The following SAG variants were observed in gnomAD, a reference collection of about 807,000 sequenced individuals.
SAG encodes the protein S-arrestin.
A neutral mutation model predicts 55.0 loss-of-function variants in SAG; 45 were observed. The observed-to-expected ratio is 0.82, with a 90% confidence interval of 0.64 to 1.05. The LOEUF (loss-of-function observed/expected upper bound fraction) is 1.05. SAG is among the 50% of genes least tolerant of loss of function. The pLI is 0.00. For missense variants in SAG, 455 were observed against 512.1 expected, an observed-to-expected ratio of 0.89 and a Z score of 1.08; for synonymous variants, 189 against 197.4, an observed-to-expected ratio of 0.96 and a Z score of 0.36.
intron 9 of SAG, among the ~76,000 whole-genome samples, chr2:233,330,574 A>T (rs1245964621): frequency 7.0e-6 from 1 of 142,500 alleles, no homozygotes; most frequent in Non-Finnish European, 1.5e-5. Flanking sequence ...TCTGTCACCC[A>T]GGCTGGAGTG....
At position 233,340,535 on chromosome 2, in the gene SAG, C is replaced by A. The variant is rs548194688; in HGVS notation, c.1046+57C>A. On this transcript the variant is annotated intron_variant, in intron 13 of 15. Transcript: ENST00000409110. The surrounding 1 kb of genome is among the most constrained non-coding windows in gnomAD (Gnocchi z 4.2). ...TTCTCAAGATATCAAAGGCAGCAAACTTGGGGCTCCAAAACGGTTTCTGAT... is the reference window on the plus strand; with the variant it reads ...TTCTCAAGATATCAAAGGCAGCAAAATTGGGGCTCCAAAACGGTTTCTGAT... 4 of 1,424,348 alleles carry A rather than the reference C, an allele frequency of 2.8e-6. No individual in the cohort carries two copies. The highest frequency in any genetic ancestry group is 2.3e-5 in the East Asian group (1 of 43,168). The allele number at this position is 1,424,348 out of a possible 1,614,324, so 88.2% of individuals were successfully genotyped here. A position where few individuals can be genotyped will look rare whatever the true frequency, so the allele number is the denominator to read the frequency against.
At chr2:233,345,689 C>T (rs1397222997) in intron 14 of SAG, 1 of 152,220 alleles carries the variant, frequency 6.6e-6, no homozygotes, top group Non-Finnish European at 1.5e-5. Context: ...CCACTTCACT[C>T]CAGCCTGGGC....
At chr2:233,309,036 G>T in intron 1 of SAG, 126 bp from the exon 2 acceptor site, 1 of 586,880 alleles carries the variant, frequency 1.7e-6, no homozygotes, top group Non-Finnish European at 3.1e-6. Context: ...GTTGAAGCCG[G>T]TACAAGGGCA....
Position 233,319,740 on chromosome 2 carries a change from G to C in SAG, c.182-890G>C. ...CCAGAGAAGGGCGCCTGTTCTCAGG[G>C]AAAGCCACTGCACAGGACAGCTGTC... On this transcript the variant is annotated intron_variant, in intron 4 of 15. Transcript: ENST00000409110. The surrounding 1 kb of genome is among the most constrained non-coding windows in gnomAD (Gnocchi z 4.4). The C allele has an allele frequency of 2.0e-6, 2 of 985,676 alleles. No homozygotes were observed. The highest frequency in any genetic ancestry group is 2.4e-6 in the Non-Finnish European group (2 of 830,088). The allele number at this position is 985,676 out of a possible 1,614,324, so 61.1% of individuals were successfully genotyped here.
intron 14 of SAG, chr2:233,342,605 T>C (rs896404643): frequency 6.8e-6 from 3 of 441,340 alleles, no homozygotes; most frequent in Non-Finnish European, 1.2e-5. Flanking sequence ...ATGAATGATT[T>C]AAGAGCAGAA....
In SAG at chr2:233,318,678, G is replaced by A. The variant is rs867531319; in HGVS notation, c.137-73G>A. On this transcript the variant is annotated intron_variant, in intron 3 of 15. Transcript: ENST00000409110. Reference sequence around the variant, plus strand: ...ATTACATGTGTAATTAAAAACATGCGCAGTTTTTAAAGTAGGTGTCTGGTT... The same window carrying A: ...ATTACATGTGTAATTAAAAACATGCACAGTTTTTAAAGTAGGTGTCTGGTT... 61 of 1,247,238 alleles carry A rather than the reference G, an allele frequency of 4.9e-5. No homozygotes were observed. The Middle Eastern group carries it at 1.7e-3, about 34-fold the overall frequency. The allele number at this position is 1,247,238 out of a possible 1,614,324, so 77.3% of individuals were successfully genotyped here.
intron 7 of SAG, 165 bp from the exon 8 acceptor site, chr2:233,328,313 G>T: frequency 1.4e-6 from 1 of 730,726 alleles, no homozygotes. Flanking sequence ...TCCACCGTCA[G>T]GGCTGCCTCA....
intron 10 of SAG, chr2:233,332,043 A>G: frequency 3.1e-6 from 1 of 327,096 alleles, no homozygotes; most frequent in South Asian, 3.3e-5. Context: ...ATTTGGTACT[A>G]TTTCCACCTC....
chr2:233,312,277 T>G (rs1346625839), intron 2 of SAG, among the ~76,000 whole-genome samples: 1 of 152,168 alleles, frequency 6.6e-6, no homozygotes, highest in East Asian at 1.9e-4. Context: ...CCCTTGTCTC[T>G]CCCGTCCACT....
intron 14 of SAG, chr2:233,342,902 G>T: frequency 6.3e-6 from 1 of 158,094 alleles, no homozygotes; most frequent in Non-Finnish European, 1.4e-5. Context: ...GGAACTACAG[G>T]CATACCACCA....
At chr2:233,321,665 A>G (rs768119976) in intron 5 of SAG, among the ~76,000 whole-genome samples, 1 of 152,140 alleles carries the variant, frequency 6.6e-6, no homozygotes, top group South Asian at 2.1e-4. Context: ...AAGATGAAAA[A>G]TGTTCTGGTG....
rs879643 is a variant in SAG, at chr2:233,314,356, C to T, written c.76-1719C>T. ...CAGAACCCCGAGGCCCTCAGGGCTACCTCCCAGGAACTGTGATCCCCACTA... is the reference window on the plus strand; with the variant it reads ...CAGAACCCCGAGGCCCTCAGGGCTATCTCCCAGGAACTGTGATCCCCACTA... On this transcript the variant is annotated intron_variant, in intron 2 of 15. Coordinates refer to ENST00000409110, the MANE Select transcript of SAG (RefSeq NM_000541.5). Among the ~76,000 whole-genome samples the T allele has an allele frequency of 5.9e-3, 894 of 152,310 alleles. 12 individuals carry two copies. Among genetic ancestry groups the T allele is most frequent in the Non-Finnish European group, 5.2e-3 (354 of 68,002 alleles).
intron 7 of SAG, chr2:233,328,247 C>T: frequency 2.2e-6 from 1 of 460,236 alleles, no homozygotes; most frequent in Non-Finnish European, 3.8e-6. Context: ...GGGATGTTGC[C>T]TGGCCCCACA....
At chr2:233,315,706 C>CT (rs59411344) in intron 2 of SAG, among the ~76,000 whole-genome samples, 12,023 of 139,114 alleles carry the variant, frequency 0.086, 1,350 homozygotes, top group African/African-American at 0.26. Flanking sequence ...TTCTTTCTTT[C>CT]TTTTTTTTTT....
intron 2 of SAG, among the ~76,000 whole-genome samples, chr2:233,311,459 A>G (rs1264272347): frequency 1.3e-5 from 2 of 152,226 alleles, no homozygotes; most frequent in Admixed American, 6.5e-5. Flanking sequence ...CCAAGCCAGA[A>G]GAATTAGATG....
At chr2:233,326,835 A>G (rs1192185681) in intron 6 of SAG, among the ~76,000 whole-genome samples, 1 of 152,194 alleles carries the variant, frequency 6.6e-6, no homozygotes, top group Non-Finnish European at 1.5e-5. Context: ...GGAGGCAAGG[A>G]TAGCCAGGAT....
chr2:233,334,764 G>A (rs1439149649), intron 10 of SAG, 198 bp from the exon 11 acceptor site: 1 of 587,606 alleles, frequency 1.7e-6, no homozygotes. Context: ...ATATCCTCCT[G>A]TTGCTGCCAG....
rs752381550 is a variant in SAG at position 233,320,592 on chromosome 2, G to A, written c.182-38G>A. 7.3e-6 allele frequency: 11 copies of A among 1,511,014 alleles called. No individual in the cohort carries two copies. In the South Asian group the frequency reaches 7.7e-5, roughly 11 times the overall value. 93.6% of individuals were successfully genotyped at this position (1,511,014 alleles called of 1,614,324 possible). ...CGTCAGTGGTGGTGGGTGCCAGGCCGAGGGCCAAGTCCGACCCTGCCTTCA... is the reference window on the plus strand; with the variant it reads ...CGTCAGTGGTGGTGGGTGCCAGGCCAAGGGCCAAGTCCGACCCTGCCTTCA... On this transcript the variant is annotated intron_variant, in intron 4 of 15. Coordinates refer to ENST00000409110, the MANE Select transcript of SAG (RefSeq NM_000541.5).
At chr2:233,313,398 G>A (rs1700130845) in intron 2 of SAG, among the ~76,000 whole-genome samples, 1 of 152,224 alleles carries the variant, frequency 6.6e-6, no homozygotes, top group Non-Finnish European at 1.5e-5. Context: ...CGCACAAGGC[G>A]CTGGGGTTTA....
Sources: allele counts gnomAD v4.1 joint callset (sites outside exome capture counted in the v4.1 genomes callset), GRCh38; gene constraint gnomAD v4.1.1; non-coding constraint Gnocchi (gnomAD v3.1); transcripts MANE v1.5; gene names NCBI Gene and HGNC (gene_info 2026-07-23, HGNC 2026-07-21).